OR6K3: variants seen among roughly 807,000 people sequenced by gnomAD.
OR6K3 encodes the protein olfactory receptor 6K3.
For synonymous variants in OR6K3, 169 were observed against 137.7 expected, an observed-to-expected ratio of 1.23 and a Z score of -1.59; for missense variants, 396 against 382.5, an observed-to-expected ratio of 1.04 and a Z score of -0.29.
intron 1 of OR6K3, among the ~76,000 whole-genome samples, chr1:158,720,257 T>C (rs1162243175): frequency 6.6e-6 from 1 of 151,952 alleles, no homozygotes; most frequent in Non-Finnish European, 1.5e-5. Context: ...TTATCCCTCA[T>C]AGTGACTACA....
chr1:158,724,244 C>T (rs1350474762), upstream of OR6K3: 1 of 157,016 alleles, frequency 6.4e-6, no homozygotes, highest in South Asian at 2.0e-4. Context: ...ATCAGTGCAA[C>T]AGCTGTGTCC....
At chr1:158,724,577 A>G (rs1004338849), upstream of OR6K3, 1 of 260,568 alleles carries the variant, frequency 3.8e-6, no homozygotes, top group Admixed American at 4.1e-5. Context: ...GTGGAAATCC[A>G]TGCAATCTCT....
At chr1:158,718,297 C>A in intron 1 of OR6K3, 165 bp from the exon 2 acceptor site, 2 of 462,448 alleles carry the variant, frequency 4.3e-6, no homozygotes. Flanking sequence ...TGATTTTTTT[C>A]ATATCAAACA....
chr1:158,723,339 G>C (rs1217596179), upstream of OR6K3, among the ~76,000 whole-genome samples: 1 of 151,882 alleles, frequency 6.6e-6, no homozygotes, highest in Non-Finnish European at 1.5e-5. Context: ...AGCAGTCTAA[G>C]TAAATGAAGT....
chr1:158,722,741 A>T (rs1656310447), upstream of OR6K3, among the ~76,000 whole-genome samples: 1 of 152,064 alleles, frequency 6.6e-6, no homozygotes, highest in African/African-American at 2.4e-5. Context: ...TTTCCCCAGG[A>T]TATATAATGC....
upstream of OR6K3, among the ~76,000 whole-genome samples, chr1:158,722,316 T>C (rs943579676): frequency 5.3e-5 from 8 of 152,038 alleles, no homozygotes; most frequent in South Asian, 4.1e-4. Flanking sequence ...GTATTAGTTA[T>C]AGATTATTGC....
rs1043696160 is a variant in OR6K3 at position 158,718,470 on chromosome 1, TA to T, written c.-17-339del. 1.7e-3 allele frequency among the ~76,000 whole-genome samples: 262 copies of T among 151,356 alleles called. 2 individuals are homozygous for T. The highest frequency in any genetic ancestry group is 8.7e-4 in the Non-Finnish European group (59 of 67,714). On this transcript the variant is annotated intron_variant, in intron 1 of 1. Transcript: ENST00000368145. ...TAGGGGTCTCCAAATGTTTTAATAATAAAAAAACTAGTTAAAATTATTTTTA... is the reference window on the plus strand; with the variant it reads ...TAGGGGTCTCCAAATGTTTTAATAATAAAAAACTAGTTAAAATTATTTTTA...
rs778473725 is a variant in OR6K3, at chr1:158,717,246, G to A, written c.870C>T (p.Ser290=). ...LAPFFNPIIY[S]LRNKDMNNAI... ...CATTGTTCATGTCCTTGTTTCTCAG[G>A]CTATAAATGATGGGATTGAAGAATG... The change falls in exon 2 of 2, where the codon AGC becomes AGT. Residue 290 remains serine (S), a synonymous_variant. Transcript: ENST00000368145. 1.7e-5 allele frequency: 28 copies of A among 1,613,602 alleles called. No homozygotes were observed. The highest frequency in any genetic ancestry group is 2.4e-5 in the Non-Finnish European group (28 of 1,179,666).
chr1:158,723,227 G>GTCTGTCTATCTA (rs144431997), upstream of OR6K3, among the ~76,000 whole-genome samples: 7 of 150,216 alleles, frequency 4.7e-5, no homozygotes, highest in South Asian at 2.1e-4. Context: ...TTACCTATCT[G>GTCTGTCTATCTA]TCTATCTATC....
At chr1:158,721,118 A>G (rs934984967), upstream of OR6K3, among the ~76,000 whole-genome samples, 1 of 152,026 alleles carries the variant, frequency 6.6e-6, no homozygotes, top group Admixed American at 6.6e-5. Context: ...GAAGGAATAT[A>G]CTGACACCAG....
intron 1 of OR6K3, 157 bp from the exon 2 acceptor site, chr1:158,718,289 A>AT (rs955769928): frequency 1.4e-4 from 67 of 485,778 alleles, no homozygotes; most frequent in African/African-American, 1.1e-3. Context: ...CCAATGTTTG[A>AT]TTTTTTTCAT....
chr1:158,722,873 AT>A (rs1373984495), upstream of OR6K3, among the ~76,000 whole-genome samples: 1 of 152,010 alleles, frequency 6.6e-6, no homozygotes, highest in East Asian at 1.9e-4. Flanking sequence ...AACAGAAATT[AT>A]TTTCTTTTCT....
upstream of OR6K3, chr1:158,724,682 A>G: frequency 4.4e-6 from 1 of 227,896 alleles, no homozygotes. Flanking sequence ...AGAGGGTTAC[A>G]GATGGCAACG....
upstream of OR6K3, among the ~76,000 whole-genome samples, chr1:158,721,429 A>G (rs1394450923): frequency 6.6e-6 from 1 of 151,946 alleles, no homozygotes; most frequent in East Asian, 1.9e-4. Context: ...TACTTTTATC[A>G]TGTCATCTTC....
At chr1:158,720,824 G>A (rs1213118260), upstream of OR6K3, 1 of 151,978 alleles carries the variant, frequency 6.6e-6, no homozygotes, top group Non-Finnish European at 1.5e-5. Context: ...CTCTGTGGAG[G>A]ATTCTTCCCC....
rs1656164918 is a variant in OR6K3 at position 158,717,113 on chromosome 1, C to T, written c.*55G>A. 8.1e-7 allele frequency: 1 copy of T among 1,241,100 alleles called. No individual in the cohort carries two copies. The highest frequency in any genetic ancestry group is 1.2e-6 in the Non-Finnish European group (1 of 868,378). The allele number at this position is 1,241,100 out of a possible 1,614,324, so 76.9% of individuals were successfully genotyped here. A position where few individuals can be genotyped will look rare whatever the true frequency, so the allele number is the denominator to read the frequency against. ...AGCCCAGGCAACAAGAGTGAAACTC[C>T]ATCTCAAAAAACAAAACAAAACAAA... is the stretch of plus-strand genomic sequence containing the variant. On this transcript the variant is annotated 3_prime_UTR_variant, in exon 2 of 2. Coordinates refer to ENST00000368145, the MANE Select transcript of OR6K3 (RefSeq NM_001005327.3).
chr1:158,718,228 A>T, intron 1 of OR6K3, 96 bp from the exon 2 acceptor site: 1 of 689,466 alleles, frequency 1.5e-6, no homozygotes, highest in Non-Finnish European at 2.5e-6. Context: ...AAGAAGAACT[A>T]CCTTGAAGGT....
upstream of OR6K3, among the ~76,000 whole-genome samples, chr1:158,723,784 TA>T (rs2101988190): frequency 6.6e-6 from 1 of 152,202 alleles, no homozygotes; most frequent in South Asian, 2.1e-4. Context: ...TCGTAATTCA[TA>T]GTTGTTATTA....
upstream of OR6K3, among the ~76,000 whole-genome samples, chr1:158,722,899 G>A (rs1656312543): frequency 6.6e-6 from 1 of 151,844 alleles, no homozygotes; most frequent in Admixed American, 6.6e-5. Flanking sequence ...AAAAGAAAGT[G>A]GTATATAATA....
Sources: allele counts gnomAD v4.1 joint callset (sites outside exome capture counted in the v4.1 genomes callset), GRCh38; gene constraint gnomAD v4.1.1; transcripts MANE v1.5; gene names NCBI Gene and HGNC (gene_info 2026-07-23, HGNC 2026-07-21).